The following SUMF1 variants were observed in gnomAD, a reference collection of about 807,000 sequenced individuals.
SUMF1 encodes sulfatase modifying factor 1, also known as formylglycine-generating enzyme.
Under a neutral mutation model 47.6 loss-of-function variants are expected in SUMF1, and 48 were observed. The observed-to-expected ratio is 1.01, with a 90% CI of 0.80 to 1.28. The LOEUF is 1.28. SUMF1 is among the 50% of genes most tolerant of loss of function. SUMF1 has a pLI of 0.00. For synonymous variants in SUMF1, 230 were observed against 192.1 expected (o/e 1.20, Z -1.63); for missense variants, 571 against 485.4 (o/e 1.18, Z -1.66).
intron 8 of SUMF1, among the ~76,000 whole-genome samples, chr3:4,309,802 C>A (rs1357113825): frequency 6.6e-6 from 1 of 152,222 alleles, no homozygotes; most frequent in Non-Finnish European, 1.5e-5. Context: ...TATCAGCTGA[C>A]TCCCAGTTTG....
intron 8 of SUMF1, among the ~76,000 whole-genome samples, chr3:4,270,671 G>C (rs1697285449): frequency 6.6e-6 from 1 of 152,162 alleles, no homozygotes; most frequent in African/African-American, 2.4e-5. Context: ...TTCAACAAAG[G>C]ATACCAGCAT....
At chr3:4,390,949 C>T (rs1175994877) in intron 7 of SUMF1, among the ~76,000 whole-genome samples, 2 of 152,196 alleles carry the variant, frequency 1.3e-5, no homozygotes, top group Non-Finnish European at 2.9e-5. Flanking sequence ...GAAAAATGTA[C>T]ATCTACTCCA....
At chr3:4,160,969 A>G (rs1287422638) in intron 8 of SUMF1, among the ~76,000 whole-genome samples, 1 of 152,114 alleles carries the variant, frequency 6.6e-6, no homozygotes, top group Non-Finnish European at 1.5e-5. Flanking sequence ...CCTTCTTGGG[A>G]AGGCTTTCCA....
At chr3:4,203,535 C>T (rs1574974830) in intron 8 of SUMF1, among the ~76,000 whole-genome samples, 1 of 151,876 alleles carries the variant, frequency 6.6e-6, no homozygotes, top group Admixed American at 6.6e-5. Context: ...TTTTTACATC[C>T]ATTCAGCCCT....
At chr3:4,436,430 T>C (rs1438442899) in intron 3 of SUMF1, among the ~76,000 whole-genome samples, 1 of 151,986 alleles carries the variant, frequency 6.6e-6, no homozygotes, top group Non-Finnish European at 1.5e-5. Flanking sequence ...CATATAGACA[T>C]AGATATAGAT....
At chr3:4,041,049 A>G (rs1316195397) in intron 9 of SUMF1, among the ~76,000 whole-genome samples, 3 of 152,094 alleles carry the variant, frequency 2.0e-5, no homozygotes, top group African/African-American at 4.8e-5. Flanking sequence ...TTCAGATTCA[A>G]TCAATGCAAC....
intron 8 of SUMF1, among the ~76,000 whole-genome samples, chr3:4,175,674 G>T (rs1694943552): frequency 6.6e-6 from 1 of 152,144 alleles, no homozygotes; most frequent in African/African-American, 2.4e-5. Flanking sequence ...GAAAAAGGTG[G>T]ACAGAGAATG....
intron 8 of SUMF1, among the ~76,000 whole-genome samples, chr3:4,348,461 A>G (rs1699418275): frequency 6.6e-6 from 1 of 152,238 alleles, no homozygotes; most frequent in Non-Finnish European, 1.5e-5. Context: ...GTGTTGGGAA[A>G]ACTGGCTAGC....
chr3:4,227,688 G>A (rs1440567669), intron 8 of SUMF1, among the ~76,000 whole-genome samples: 1 of 152,096 alleles, frequency 6.6e-6, no homozygotes, highest in Non-Finnish European at 1.5e-5. Context: ...GTGGAAGTCA[G>A]TCCTCAGGTG....
At chr3:4,401,177 G>T (rs1236789200) in intron 7 of SUMF1, among the ~76,000 whole-genome samples, 1 of 152,066 alleles carries the variant, frequency 6.6e-6, no homozygotes, top group Admixed American at 6.5e-5. Flanking sequence ...GTATTCCATG[G>T]TGTATATGTG....
At chr3:4,143,256 T>C (rs1694114309) in intron 8 of SUMF1, among the ~76,000 whole-genome samples, 1 of 152,128 alleles carries the variant, frequency 6.6e-6, no homozygotes, top group African/African-American at 2.4e-5. Flanking sequence ...AGATGCTAAG[T>C]GCCAGATTCA....
At chr3:4,303,658 G>C (rs953967069) in intron 8 of SUMF1, 1 of 1,442,406 alleles carries the variant, frequency 6.9e-7, no homozygotes, top group African/African-American at 1.5e-5. Flanking sequence ...GTTGGTGCGC[G>C]GGAATAGGTG....
chr3:4,051,295 T>A (rs990652182), intron 9 of SUMF1, among the ~76,000 whole-genome samples: 2 of 151,848 alleles, frequency 1.3e-5, no homozygotes, highest in Admixed American at 6.6e-5. Flanking sequence ...ACATCCCTCC[T>A]GAGCATAGGG....
chr3:4,359,564 T>C (rs1327375063), downstream of SUMF1, among the ~76,000 whole-genome samples: 1 of 152,224 alleles, frequency 6.6e-6, no homozygotes, highest in Non-Finnish European at 1.5e-5. Flanking sequence ...AGAGGTTTAA[T>C]TGACTCACAG....
chr3:4,049,604 A>C lies in SUMF1; in HGVS notation c.1191+18965T>G, dbSNP rs145673193. 5.5e-3 allele frequency among the ~76,000 whole-genome samples: 834 copies of C among 152,218 alleles called. 12 individuals are homozygous for C. Among genetic ancestry groups the C allele is most frequent in the African/African-American group, 0.018 (764 of 41,534 alleles). On this transcript the variant is annotated intron_variant and NMD_transcript_variant, in intron 9 of 12. Coordinates refer to the SUMF1 transcript ENST00000448413. ...ACAGGTAGGTTCAGGAGCCAGAGTA[A>C]GCACCCCTGGGCTCCAGCCCCAGGG...
At chr3:4,464,771 T>C (rs1490387668) in intron 1 of SUMF1, among the ~76,000 whole-genome samples, 1 of 152,228 alleles carries the variant, frequency 6.6e-6, no homozygotes. Context: ...TATGACGTCA[T>C]TGTCTTGATA....
intron 6 of SUMF1, among the ~76,000 whole-genome samples, chr3:4,415,113 G>T (rs1701666924): frequency 6.6e-6 from 1 of 151,430 alleles, no homozygotes; most frequent in Non-Finnish European, 1.5e-5. Flanking sequence ...TATAATCCTA[G>T]CTACTAAGGA....
intron 7 of SUMF1, among the ~76,000 whole-genome samples, chr3:4,393,840 TTTC>T (rs1238662485): frequency 6.6e-6 from 1 of 152,100 alleles, no homozygotes; most frequent in African/African-American, 2.4e-5. Flanking sequence ...GTGTGTGTTT[TTTC>T]TTTACAATTT....
At chr3:4,062,000 C>T (rs77719022) in intron 9 of SUMF1, among the ~76,000 whole-genome samples, 4,545 of 152,120 alleles carry the variant, frequency 0.03, 235 homozygotes, top group African/African-American at 0.1. Context: ...CACTCAGACT[C>T]GTTTCTGTAT....
Sources: allele counts gnomAD v4.1 joint callset (sites outside exome capture counted in the v4.1 genomes callset), GRCh38; gene constraint gnomAD v4.1.1; transcripts MANE v1.5; gene names NCBI Gene and HGNC (gene_info 2026-07-23, HGNC 2026-07-21).